Variants in ENPP2 observed in about 807,000 individuals in gnomAD.
ENPP2 encodes the protein autotaxin.
ENPP2 carries 51 observed loss-of-function variants against 120.2 expected under a neutral mutation model. The ratio of observed to expected loss-of-function variants is 0.42; its 90% CI spans 0.34 to 0.54. ENPP2 has a LOEUF of 0.54. Among genes scored for constraint, ENPP2 ranks in the 20% least tolerant of loss-of-function variants. The pLI, the probability that ENPP2 is intolerant of heterozygous loss-of-function variation, is 0.04. For synonymous variants in ENPP2, 365 were observed against 366.4 expected (o/e 1.00, Z 0.04); for missense variants, 920 against 1,066.5 (o/e 0.86, Z 1.91).
At chr8:119,644,302 C>T (rs952577806) in intron 1 of ENPP2, among the ~76,000 whole-genome samples, 44 of 151,468 alleles carry the variant, frequency 2.9e-4, no homozygotes, top group African/African-American at 1.0e-3. Context: ...GCTATGGCGG[C>T]GTGGAGAGGA....
chr8:119,661,611 G>A (rs1474790186), intron 1 of ENPP2, among the ~76,000 whole-genome samples: 1 of 152,128 alleles, frequency 6.6e-6, no homozygotes, highest in Non-Finnish European at 1.5e-5. Flanking sequence ...ACGGTGTAGG[G>A]ACTTCACAAA....
At chr8:119,652,286 C>T (rs544995983) in intron 1 of ENPP2, among the ~76,000 whole-genome samples, 5 of 152,070 alleles carry the variant, frequency 3.3e-5, no homozygotes, top group Admixed American at 6.6e-5. Context: ...CCCAAAGTCC[C>T]CACCTCCTTA....
intron 2 of ENPP2, among the ~76,000 whole-genome samples, chr8:119,629,567 T>G (rs996351373): frequency 1.3e-5 from 2 of 152,206 alleles, no homozygotes; most frequent in Non-Finnish European, 2.9e-5. Flanking sequence ...TCAGTTCAAC[T>G]AAAGCAAACA....
At chr8:119,611,094 C>T (rs1048043370) in intron 8 of ENPP2, among the ~76,000 whole-genome samples, 5 of 151,992 alleles carry the variant, frequency 3.3e-5, no homozygotes, top group African/African-American at 9.7e-5. Flanking sequence ...TTGTGATGTG[C>T]TATTTATTAG....
chr8:119,557,829 T>C (rs200412440), intron 24 of ENPP2, 138 bp from the exon 25 acceptor site: 304 of 584,926 alleles, frequency 5.2e-4, no homozygotes, highest in East Asian at 9.2e-4. Flanking sequence ...CTTCCTGGCC[T>C]CCCTGCCACT....
At chr8:119,671,564 T>C (rs1348167860) in intron 1 of ENPP2, among the ~76,000 whole-genome samples, 2 of 152,134 alleles carry the variant, frequency 1.3e-5, no homozygotes, top group Admixed American at 6.5e-5. Flanking sequence ...TTCTGTTGTG[T>C]CTGACTTGGA....
intron 17 of ENPP2, 140 bp from the exon 18 acceptor site, chr8:119,582,742 C>A: frequency 1.5e-6 from 1 of 648,438 alleles, no homozygotes; most frequent in Non-Finnish European, 2.7e-6. Context: ...ATGTAGATGG[C>A]AGGCACCCCC....
chr8:119,582,440 C>T lies in ENPP2; in HGVS notation c.1706G>A (p.Cys569Tyr), dbSNP rs370241992. 1 of 1,613,554 alleles carries T rather than the reference C, an allele frequency of 6.2e-7. No individual in the cohort carries two copies. The highest frequency in any genetic ancestry group is 1.3e-5 in the African/African-American group (1 of 74,888). Residue 569 changes from cysteine to tyrosine, a missense_variant, in exon 18 of 25, where the codon TGT becomes TAT. Transcript: ENST00000075322. ...TACCTTTGGCTCTACCTTATCATCA[C>T]AAGTGCAGCCCAGGTCAAAATCAGA... ...LQSDFDLGCT[C>Y]DDKVEPKNKL...
chr8:119,604,489 C>A (rs1215902684), intron 9 of ENPP2, among the ~76,000 whole-genome samples: 3 of 151,252 alleles, frequency 2.0e-5, no homozygotes, highest in Non-Finnish European at 4.4e-5. Flanking sequence ...TAAATCTGAC[C>A]AAGAAAGAGC....
chr8:119,603,486 T>G (rs975399522), intron 9 of ENPP2, among the ~76,000 whole-genome samples: 2 of 152,146 alleles, frequency 1.3e-5, no homozygotes, highest in African/African-American at 4.8e-5. Flanking sequence ...GCCAGAGTGC[T>G]TGGGTTTGTA....
intron 2 of ENPP2, among the ~76,000 whole-genome samples, chr8:119,634,547 CA>C (rs982447396): frequency 1.2e-3 from 175 of 150,180 alleles, no homozygotes; most frequent in African/African-American, 3.8e-3. Flanking sequence ...AAGGCATTTT[CA>C]AAAACTTTTT....
chr8:119,634,229 T>TACATACAC (rs1816864971), intron 2 of ENPP2, among the ~76,000 whole-genome samples: 1 of 145,048 alleles, frequency 6.9e-6, no homozygotes, highest in African/African-American at 2.6e-5. Flanking sequence ...CATACATACA[T>TACATACAC]ACACACAATG....
intron 8 of ENPP2, among the ~76,000 whole-genome samples, chr8:119,615,545 A>G (rs900741453): frequency 6.6e-6 from 1 of 152,188 alleles, no homozygotes; most frequent in Non-Finnish European, 1.5e-5. Context: ...CAGTCATTTG[A>G]TCTGAAGTAA....
At chr8:119,562,489 G>A (rs1814046315) in intron 24 of ENPP2, among the ~76,000 whole-genome samples, 1 of 152,092 alleles carries the variant, frequency 6.6e-6, no homozygotes, top group African/African-American at 2.4e-5. Flanking sequence ...AGTGAAGTGA[G>A]AAATAAAATT....
At chr8:119,633,819 C>CTT (rs113433714) in intron 2 of ENPP2, among the ~76,000 whole-genome samples, 5 of 147,110 alleles carry the variant, frequency 3.4e-5, no homozygotes, top group Middle Eastern at 3.5e-3. Flanking sequence ...ATTTCATAAA[C>CTT]TTTTTTTTTT....
chr8:119,658,884 A>G (rs1817840875), intron 1 of ENPP2, among the ~76,000 whole-genome samples: 2 of 152,200 alleles, frequency 1.3e-5, no homozygotes, highest in South Asian at 4.1e-4. Flanking sequence ...AAGGGAAGGA[A>G]AATATAACTG....
At chr8:119,661,971 A>C (rs1277831508) in intron 1 of ENPP2, among the ~76,000 whole-genome samples, 1 of 152,108 alleles carries the variant, frequency 6.6e-6, no homozygotes, top group Non-Finnish European at 1.5e-5. Flanking sequence ...TAAAAAAATC[A>C]AACTTATACA....
chr8:119,605,430 ATG>A (rs573767269), intron 9 of ENPP2, among the ~76,000 whole-genome samples: 9,022 of 133,696 alleles, frequency 0.067, 353 homozygotes, highest in Non-Finnish European at 0.09. Flanking sequence ...GATACCATAT[ATG>A]TGTGTGTGTG....
chr8:119,565,557 A>T (rs1282995371), intron 22 of ENPP2, among the ~76,000 whole-genome samples: 1 of 152,250 alleles, frequency 6.6e-6, no homozygotes, highest in East Asian at 1.9e-4. Flanking sequence ...TCTGGCACTC[A>T]CCCAGGTGTT....
Sources: allele counts gnomAD v4.1 joint callset (sites outside exome capture counted in the v4.1 genomes callset), GRCh38; gene constraint gnomAD v4.1.1; transcripts MANE v1.5; gene names NCBI Gene and HGNC (gene_info 2026-07-23, HGNC 2026-07-21).